Variants in MAP3K1 observed in about 807,000 individuals in gnomAD.
MAP3K1 encodes the protein mitogen-activated protein kinase kinase kinase 1.
A neutral mutation model predicts 144.2 loss-of-function variants in MAP3K1; 36 were observed. That is an observed-to-expected ratio of 0.25 (90% confidence interval 0.19 to 0.33). MAP3K1 has a LOEUF of 0.33. Among genes scored for constraint, MAP3K1 ranks in the 10% least tolerant of loss-of-function variants. The probability of loss-of-function intolerance (pLI) is 1.00; values close to 1 mark genes in which losing one functional copy is unlikely to be tolerated. For synonymous variants in MAP3K1, 718 were observed against 688.7 expected (o/e 1.04, Z -0.67); for missense variants, 1,650 against 1,881.9 (o/e 0.88, Z 2.28).
intron 1 of MAP3K1, among the ~76,000 whole-genome samples, chr5:56,823,678 T>A (rs1035289349): frequency 1.3e-5 from 2 of 152,190 alleles, no homozygotes; most frequent in African/African-American, 4.8e-5. Flanking sequence ...ATGGCAAAAG[T>A]CTAGACTATG....
chr5:56,892,763 A>C (rs550122393), intron 19 of MAP3K1, among the ~76,000 whole-genome samples: 2 of 152,174 alleles, frequency 1.3e-5, no homozygotes, highest in African/African-American at 4.8e-5. Context: ...GAAAGACACT[A>C]TCTCTGCCTG....
At chr5:56,857,251 A>G (rs953559131) in intron 2 of MAP3K1, among the ~76,000 whole-genome samples, 1 of 152,182 alleles carries the variant, frequency 6.6e-6, no homozygotes, top group Non-Finnish European at 1.5e-5. Context: ...CTCATTTGAC[A>G]TGAAAAAATG....
At position 56,882,253 on chromosome 5, in the gene MAP3K1, C is replaced by CTCCTCAAACACAGCGCAAGTT; in HGVS notation, c.3055_3075dup (p.Pro1019_Phe1025dup). 1 of 1,614,042 alleles carries CTCCTCAAACACAGCGCAAGTT rather than the reference C, an allele frequency of 6.2e-7. No individual in the cohort carries two copies. The highest frequency in any genetic ancestry group is 8.5e-7 in the Non-Finnish European group (1 of 1,179,950). On this transcript the variant is annotated inframe_insertion, in exon 14 of 20. Transcript: ENST00000399503. ...ATTCCCTGCAGAATACCTTCTGCAT[C>CTCCTCAAACACAGCGCAAGTT]TCCTCAAACACAGCGCAAGTTTTCT...
chr5:56,833,478 ACT>A, intron 1 of MAP3K1, among the ~76,000 whole-genome samples: 1 of 152,022 alleles, frequency 6.6e-6, no homozygotes, highest in South Asian at 2.1e-4. Context: ...GAGAGTGAAC[ACT>A]CATGACCTCC....
intron 19 of MAP3K1, among the ~76,000 whole-genome samples, chr5:56,891,192 C>T (rs886159220): frequency 2.7e-5 from 4 of 145,484 alleles, no homozygotes; most frequent in Non-Finnish European, 5.9e-5. Flanking sequence ...CAGTAAGTTA[C>T]ATTTGGGGAA....
chr5:56,892,976 T>TAAAAAA (rs1162696229), intron 19 of MAP3K1, among the ~76,000 whole-genome samples: 2 of 150,302 alleles, frequency 1.3e-5, no homozygotes, highest in African/African-American at 2.4e-5. Context: ...TCTTTTTTTT[T>TAAAAAA]AAAAAAAAAG....
chr5:56,861,590 A>AGGGG (rs149128894), intron 3 of MAP3K1, among the ~76,000 whole-genome samples: 17,938 of 134,558 alleles, frequency 0.13, 1,679 homozygotes, highest in East Asian at 0.36. Flanking sequence ...AAAAAAAAAA[A>AGGGG]GGGGCTATTA....
chr5:56,880,630 A>T (rs901160368), intron 11 of MAP3K1, 81 bp from the exon 12 acceptor site: 2 of 894,138 alleles, frequency 2.2e-6, no homozygotes, highest in Non-Finnish European at 3.8e-6. Flanking sequence ...ACTTTTTCAC[A>T]AGGCATTACA....
Position 56,882,154 on chromosome 5 carries a change from C to T in MAP3K1, c.2954C>T (p.Thr985Ile). ...HSQLMFPALS[T>I]PSSSTPSVPA... is the part of the protein sequence containing the mutation. Reference sequence around the variant, plus strand: ...CAATTAATGTTTCCAGCCTTGTCAACCCCTTCTTCTTCTACCCCATCTGTA... The same window carrying T: ...CAATTAATGTTTCCAGCCTTGTCAATCCCTTCTTCTTCTACCCCATCTGTA... The change falls in exon 14 of 20, where the codon ACC (threonine) becomes ATC (isoleucine). Residue 985 changes from threonine (T) to isoleucine (I), a missense_variant. This residue lies in a region of MAP3K1 where 841 missense variants were observed against 886.5 expected (regional missense o/e 0.95). Transcript: ENST00000399503. 6.2e-7 allele frequency: 1 copy of T among 1,609,744 alleles called. No individual in the cohort carries two copies. The highest frequency in any genetic ancestry group is 8.5e-7 in the Non-Finnish European group (1 of 1,179,958).
Position 56,815,693 on chromosome 5 carries a change from C to CGCGGGACTGCT in MAP3K1, c.127_137dup (p.Glu46AspfsTer143). On this transcript the variant is annotated frameshift_variant, in exon 1 of 20. Transcript: ENST00000399503. LOFTEE classifies it high-confidence loss of function. Reference sequence around the variant, plus strand: ...AGGCGAGCAGCGCGCCCGCGGCTGCCGCGGGACTGCTGCGGGAGGCGGGCA... The same window carrying CGCGGGACTGCT: ...AGGCGAGCAGCGCGCCCGCGGCTGCCGCGGGACTGCTGCGGGACTGCTGCGGGAGGCGGGCA... 7.6e-7 allele frequency: 1 copy of CGCGGGACTGCT among 1,316,086 alleles called. No individual in the cohort carries two copies. The highest frequency in any genetic ancestry group is 9.6e-7 in the Non-Finnish European group (1 of 1,036,702). 81.5% of individuals were successfully genotyped at this position (1,316,086 alleles called of 1,614,324 possible).
At chr5:56,824,183 C>G (rs545534041) in intron 1 of MAP3K1, among the ~76,000 whole-genome samples, 1 of 152,318 alleles carries the variant, frequency 6.6e-6, no homozygotes, top group Non-Finnish European at 1.5e-5. Context: ...CAAAACATTT[C>G]AAAGTTTACT....
intron 1 of MAP3K1, among the ~76,000 whole-genome samples, chr5:56,844,511 G>C (rs113402836): frequency 0.032 from 4,890 of 151,990 alleles, 250 homozygotes; most frequent in African/African-American, 0.11. Context: ...TATGTCTTCT[G>C]TTTGGAACAT....
chr5:56,816,606 G>C (rs1394996600), intron 1 of MAP3K1, among the ~76,000 whole-genome samples: 1 of 152,108 alleles, frequency 6.6e-6, no homozygotes, highest in Non-Finnish European at 1.5e-5. Flanking sequence ...GGCCCGCCCG[G>C]GACTCGAGTC....
At position 56,882,606 on chromosome 5, in the gene MAP3K1, C is replaced by G; in HGVS notation, c.3406C>G (p.Leu1136Val). 1.2e-6 allele frequency: 2 copies of G among 1,614,138 alleles called. No individual in the cohort carries two copies. The highest frequency in any genetic ancestry group is 8.5e-7 in the Non-Finnish European group (1 of 1,180,012). Residue 1136 changes from leucine to valine, a missense_variant, in exon 14 of 20, where the codon CTT (leucine) becomes GTT (valine). Physicochemically the swap from Leu to Val is conservative, Grantham distance 32. This residue lies in a region of MAP3K1 where 841 missense variants were observed against 886.5 expected (regional missense o/e 0.95). Coordinates refer to ENST00000399503, the MANE Select transcript of MAP3K1 (RefSeq NM_005921.2). ...GCTCAACTCCAGTATTGAGGACCTTCTTGAAGCATCTATGCCTTCAAGTGA... is the reference window on the plus strand; with the variant it reads ...GCTCAACTCCAGTATTGAGGACCTTGTTGAAGCATCTATGCCTTCAAGTGA... ...TELNSSIEDLLEASMPSSDTT... is the reference protein window; with the variant it reads ...TELNSSIEDLVEASMPSSDTT...
In MAP3K1 at chr5:56,815,835, T is replaced by TCGACTTCCC; in HGVS notation, c.265_273dup (p.Thr89_Pro91dup). On this transcript the variant is annotated inframe_insertion, in exon 1 of 20. Transcript: ENST00000399503. ...CCTTGCCGCCTCACCGCCGGCCTCC[T>TCGACTTCCC]CGACTTCCCCGTCGCCGGAGCCCGC... 1 of 1,410,248 alleles carries TCGACTTCCC rather than the reference T, an allele frequency of 7.1e-7. No homozygotes were observed. Among genetic ancestry groups the TCGACTTCCC allele is most frequent in the Non-Finnish European group, 9.3e-7 (1 of 1,077,970 alleles). 87.4% of individuals were successfully genotyped at this position (1,410,248 alleles called of 1,614,324 possible). A position where few individuals can be genotyped will look rare whatever the true frequency, so the allele number is the denominator to read the frequency against.
intron 1 of MAP3K1, among the ~76,000 whole-genome samples, chr5:56,816,338 G>GT (rs1355402550): frequency 1.3e-5 from 2 of 152,096 alleles, no homozygotes; most frequent in East Asian, 3.9e-4. Flanking sequence ...GCGAAAAGGT[G>GT]TAGGGGGCCA....
chr5:56,851,828 G>C (rs1318144785), intron 1 of MAP3K1, among the ~76,000 whole-genome samples: 1 of 152,196 alleles, frequency 6.6e-6, no homozygotes, highest in African/African-American at 2.4e-5. Flanking sequence ...GGACTGGGCA[G>C]ACCCTTCGCT....
chr5:56,869,486 A>G (rs889054026), intron 6 of MAP3K1, among the ~76,000 whole-genome samples: 1 of 63,942 alleles, frequency 1.6e-5, no homozygotes, highest in Admixed American at 1.2e-4. Context: ...TGTTGCCACA[A>G]CAAAAAAAAG....
intron 1 of MAP3K1, among the ~76,000 whole-genome samples, chr5:56,824,103 C>T (rs578015649): frequency 3.3e-5 from 5 of 152,324 alleles, no homozygotes; most frequent in Middle Eastern, 3.4e-3. Context: ...TAAAAGTTCA[C>T]ATTTCCATTG....
Sources: allele counts gnomAD v4.1 joint callset (sites outside exome capture counted in the v4.1 genomes callset), GRCh38; gene constraint gnomAD v4.1.1; regional missense constraint gnomAD v4.1.1; transcripts MANE v1.5; gene names NCBI Gene and HGNC (gene_info 2026-07-23, HGNC 2026-07-21).